CACNA1C: variants seen among roughly 807,000 people sequenced by gnomAD.
CACNA1C encodes the protein voltage-dependent L-type calcium channel subunit alpha-1C.
CACNA1C carries 30 observed loss-of-function variants against 229.0 expected under a neutral mutation model. The ratio of observed to expected loss-of-function variants is 0.13; its 90% confidence interval spans 0.10 to 0.18. CACNA1C has a LOEUF of 0.18. Among genes scored for constraint, CACNA1C ranks in the 10% least tolerant of loss-of-function variants. The pLI, the probability that CACNA1C is intolerant of heterozygous loss-of-function variation, is 1.00. For missense variants in CACNA1C, 1,658 were observed against 2,845.0 expected (o/e 0.58, Z 9.49); for synonymous variants, 1,114 against 1,132.5 (o/e 0.98, Z 0.33).
intron 30 of CACNA1C, among the ~76,000 whole-genome samples, chr12:2,642,822 G>GGGAATGA (rs1201430666): frequency 1.3e-5 from 2 of 152,184 alleles, no homozygotes; most frequent in Non-Finnish European, 2.9e-5. Context: ...TAGACGCTGG[G>GGGAATGA]CTGTCCTTCC....
chr12:2,360,151 A>ACCCCCCCCCCCCCCCCCCCCCCCC (rs1235106830), intron 3 of CACNA1C, among the ~76,000 whole-genome samples: 2 of 67,596 alleles, frequency 3.0e-5, no homozygotes, highest in African/African-American at 6.4e-5. Context: ...ACACAAACAC[A>ACCCCCCCCCCCCCCCCCCCCCCCC]CCCCACCCCC....
chr12:2,263,350 T>C (rs1601309223), intron 3 of CACNA1C, among the ~76,000 whole-genome samples: 1 of 152,054 alleles, frequency 6.6e-6, no homozygotes, highest in Non-Finnish European at 1.5e-5. Flanking sequence ...AGGAGGCAGG[T>C]ATGGCTGGAA....
At chr12:2,378,985 A>G (rs2098159505) in intron 3 of CACNA1C, among the ~76,000 whole-genome samples, 1 of 152,206 alleles carries the variant, frequency 6.6e-6, no homozygotes, top group Admixed American at 6.5e-5. Context: ...GAGAATAGTG[A>G]GAAACCACAG....
chr12:2,543,106 G>A (rs2099875404), intron 9 of CACNA1C, among the ~76,000 whole-genome samples: 1 of 152,162 alleles, frequency 6.6e-6, no homozygotes, highest in South Asian at 2.1e-4. Flanking sequence ...GCAAGGGACT[G>A]GATAGCCCAG....
At chr12:2,150,674 G>A (rs746278611) in intron 3 of CACNA1C, among the ~76,000 whole-genome samples, 11 of 152,190 alleles carry the variant, frequency 7.2e-5, no homozygotes, top group Non-Finnish European at 1.6e-4. Flanking sequence ...GGGTTGGCAT[G>A]CAATGAATAC....
chr12:2,004,707 A>G, intron 1 of CACNA1C: 1 of 470,808 alleles, frequency 2.1e-6, no homozygotes, highest in Non-Finnish European at 3.8e-6. Flanking sequence ...CTGTTTTTCT[A>G]CGCGCTCGAG....
intron 18 of CACNA1C, among the ~76,000 whole-genome samples, chr12:2,592,327 C>G (rs1404887178): frequency 6.6e-6 from 1 of 152,228 alleles, no homozygotes; most frequent in African/African-American, 2.4e-5. Context: ...TATAGAGGTA[C>G]TGTTATTATT....
chr12:2,458,686 C>A (rs966162261), intron 5 of CACNA1C, among the ~76,000 whole-genome samples: 1 of 152,194 alleles, frequency 6.6e-6, no homozygotes, highest in African/African-American at 2.4e-5. Context: ...GAATGCACAG[C>A]CTCTCCTACC....
In CACNA1C at chr12:2,319,350, G is replaced by T. The variant is rs113885751; in HGVS notation, c.478-129626G>T. Among the ~76,000 whole-genome samples, 2 of 152,016 alleles carry T rather than the reference G, an allele frequency of 1.3e-5. No individual in the cohort carries two copies. Among genetic ancestry groups the T allele is most frequent in the African/African-American group, 4.8e-5 (2 of 41,360 alleles). On this transcript the variant is annotated intron_variant, in intron 3 of 46. Coordinates refer to ENST00000399655, the MANE Select transcript of CACNA1C (RefSeq NM_000719.7). This position sits in a 1 kb window ranked among gnomAD's most constrained non-coding sequence, Gnocchi z 4.0. ...TGCATGGTGGGCAACATACATGGGGGCAGTGTGCTTGGTAGGCAGCGTACC... is the reference window on the plus strand; with the variant it reads ...TGCATGGTGGGCAACATACATGGGGTCAGTGTGCTTGGTAGGCAGCGTACC...
At chr12:2,645,048 T>G (rs1330188761) in intron 30 of CACNA1C, among the ~76,000 whole-genome samples, 1 of 152,214 alleles carries the variant, frequency 6.6e-6, no homozygotes, top group African/African-American at 2.4e-5. Flanking sequence ...CAAATTAAGT[T>G]AATTGCCCCA....
At chr12:2,466,702 C>T (rs913172762) in intron 5 of CACNA1C, among the ~76,000 whole-genome samples, 10 of 152,212 alleles carry the variant, frequency 6.6e-5, no homozygotes, top group African/African-American at 2.2e-4. Flanking sequence ...GCCTCCAGCC[C>T]TGCATTCACC....
chr12:2,326,251 C>T (rs369286433), intron 3 of CACNA1C, among the ~76,000 whole-genome samples: 3 of 152,254 alleles, frequency 2.0e-5, no homozygotes, highest in African/African-American at 7.2e-5. Context: ...TATAAGCTGC[C>T]CTTCATTCAG....
Position 2,437,840 on chromosome 12 carries a change from A to T in CACNA1C, c.478-11136A>T, listed in dbSNP as rs963881832. ...GGTGGTGGTAATGGTGGTGGTAATG[A>T]TGGTGGTGATGATGGTGGTGATGGT... On this transcript the variant is annotated intron_variant, in intron 3 of 46. Coordinates refer to ENST00000399655, the MANE Select transcript of CACNA1C (RefSeq NM_000719.7). 1.5e-4 allele frequency among the ~76,000 whole-genome samples: 13 copies of T among 87,808 alleles called. No individual in the cohort carries two copies. In the Admixed American group the frequency reaches 1.8e-3, roughly 12 times the overall value. 57.6% of individuals were successfully genotyped at this position (87,808 alleles called of 152,430 possible). A position where few individuals can be genotyped will look rare whatever the true frequency, so the allele number is the denominator to read the frequency against.
chr12:2,456,003 G>T (rs2099415587), intron 4 of CACNA1C, among the ~76,000 whole-genome samples: 1 of 152,106 alleles, frequency 6.6e-6, no homozygotes, highest in Non-Finnish European at 1.5e-5. Context: ...TCTCCAGCTT[G>T]GACCTCCCCA....
At chr12:2,190,784 A>C (rs935615540) in intron 3 of CACNA1C, among the ~76,000 whole-genome samples, 1 of 152,178 alleles carries the variant, frequency 6.6e-6, no homozygotes, top group African/African-American at 2.4e-5. Context: ...ATCACAGCCC[A>C]GCTTGGATTG....
At chr12:2,414,240 C>A (rs894155047) in intron 3 of CACNA1C, among the ~76,000 whole-genome samples, 1 of 152,216 alleles carries the variant, frequency 6.6e-6, no homozygotes, top group Non-Finnish European at 1.5e-5. Flanking sequence ...GACATAGCTG[C>A]CTGTCTCTGT....
At chr12:2,310,352 A>AATAT (rs35448122) in intron 3 of CACNA1C, among the ~76,000 whole-genome samples, 464 of 139,824 alleles carry the variant, frequency 3.3e-3, no homozygotes, top group African/African-American at 9.5e-3. Context: ...TAAAAAAAAA[A>AATAT]ATATATATAT....
At chr12:2,217,590 C>T (rs2060302712) in intron 3 of CACNA1C, 1 of 152,184 alleles carries the variant, frequency 6.6e-6, no homozygotes, top group Non-Finnish European at 1.5e-5. Flanking sequence ...AATACATACA[C>T]ACATTGAATC....
chr12:2,417,265 C>A (rs199525428), intron 3 of CACNA1C, among the ~76,000 whole-genome samples: 3 of 152,184 alleles, frequency 2.0e-5, no homozygotes, highest in Non-Finnish European at 2.9e-5. Context: ...GGCTCCCGCC[C>A]GGTGATGTCC....
Sources: gnomAD v4.1 joint callset for allele counts (sites outside exome capture counted in the v4.1 genomes callset) on GRCh38, gnomAD v4.1.1 for gene constraint, Gnocchi (gnomAD v3.1) non-coding constraint, MANE v1.5 for transcripts, NCBI Gene and HGNC (gene_info 2026-07-23, HGNC 2026-07-21) for gene names.